The following MAGI2 variants were observed in gnomAD, a reference collection of about 807,000 sequenced individuals.
MAGI2 encodes the protein membrane-associated guanylate kinase, WW and PDZ domain-containing protein 2.
A neutral mutation model predicts 133.3 loss-of-function variants in MAGI2; 35 were observed. The observed-to-expected ratio is 0.26, with a 90% CI of 0.20 to 0.35. The LOEUF (loss-of-function observed/expected upper bound fraction) is 0.35. MAGI2 is among the 10% of genes least tolerant of loss of function. The pLI, the probability that MAGI2 is intolerant of heterozygous loss-of-function variation, is 1.00. For missense variants in MAGI2, 1,636 were observed against 1,863.4 expected (o/e 0.88, Z 2.25); for synonymous variants, 729 against 710.6 (o/e 1.03, Z -0.41).
intron 1 of MAGI2, among the ~76,000 whole-genome samples, chr7:79,011,881 C>A (rs558656081): frequency 7.5e-5 from 5 of 67,068 alleles, no homozygotes; most frequent in African/African-American, 2.1e-4. Flanking sequence ...TCCTTCCTTC[C>A]TTTCTTCCTT....
intron 10 of MAGI2, among the ~76,000 whole-genome samples, chr7:78,231,748 A>G (rs1184003325): frequency 6.6e-6 from 1 of 152,142 alleles, no homozygotes; most frequent in African/African-American, 2.4e-5. Context: ...CCTTTGTTGG[A>G]CACAAAGGGA....
intron 1 of MAGI2, among the ~76,000 whole-genome samples, chr7:79,425,560 T>C (rs1847286223): frequency 8.1e-6 from 1 of 123,244 alleles, no homozygotes; most frequent in African/African-American, 3.7e-5. Flanking sequence ...CAGAACTGTT[T>C]TGCAGAAAAT....
At chr7:78,833,350 C>A (rs1023325417) in intron 2 of MAGI2, among the ~76,000 whole-genome samples, 3 of 152,146 alleles carry the variant, frequency 2.0e-5, no homozygotes, top group Admixed American at 6.5e-5. Flanking sequence ...TCCCTGCCCT[C>A]ACTAAACTTA....
chr7:79,034,360 CT>C (rs1216270084), intron 1 of MAGI2, among the ~76,000 whole-genome samples: 3 of 152,170 alleles, frequency 2.0e-5, no homozygotes, highest in Non-Finnish European at 4.4e-5. Context: ...CAATACCCTA[CT>C]GGTATCCAGG....
intron 1 of MAGI2, among the ~76,000 whole-genome samples, chr7:79,213,728 C>G (rs1241515222): frequency 6.6e-6 from 1 of 152,070 alleles, no homozygotes; most frequent in Admixed American, 6.6e-5. Context: ...ACTACAGACA[C>G]TGCTTCTAAC....
chr7:79,152,928 G>T (rs917356328), intron 1 of MAGI2, among the ~76,000 whole-genome samples: 5 of 152,050 alleles, frequency 3.3e-5, no homozygotes, highest in Admixed American at 6.6e-5. Flanking sequence ...ACAATGATTT[G>T]TAATTTTTAA....
In MAGI2 at chr7:79,284,570, G is replaced by A. The variant is rs553616480; in HGVS notation, c.301+168450C>T. Among the ~76,000 whole-genome samples the A allele has an allele frequency of 6.6e-5, 10 of 152,134 alleles. No individual in the cohort carries two copies. In the East Asian group the frequency reaches 1.9e-3, roughly 29 times the overall value. ...TGAAAAATGGTGATAGATACAATGA[G>A]AGCATTAAATCATAATGAAAATATT... On this transcript the variant is annotated intron_variant, in intron 1 of 21. Coordinates refer to ENST00000354212, the MANE Select transcript of MAGI2 (RefSeq NM_012301.4).
chr7:78,962,509 G>GTT (rs1554313141), intron 2 of MAGI2, among the ~76,000 whole-genome samples: 5 of 137,590 alleles, frequency 3.6e-5, no homozygotes, highest in African/African-American at 2.7e-5. Flanking sequence ...CAATGCTTAT[G>GTT]TTTTTTTTTT....
intron 21 of MAGI2, among the ~76,000 whole-genome samples, chr7:78,050,568 G>A (rs1377966042): frequency 6.6e-6 from 1 of 152,200 alleles, no homozygotes; most frequent in Non-Finnish European, 1.5e-5. Context: ...CTGTTCAGCT[G>A]AGAATATTGT....
At position 78,475,129 on chromosome 7, in the gene MAGI2, C is replaced by T. The variant is rs538169702; in HGVS notation, c.1045+14632G>A. Among the ~76,000 whole-genome samples, 8 of 152,046 alleles carry T rather than the reference C, an allele frequency of 5.3e-5. No individual in the cohort carries two copies. The East Asian group carries it at 1.6e-3, about 30-fold the overall frequency. Reference sequence around the variant, plus strand: ...TTTGAATTCCAGCCCTGAGGAAGATCCATGAATGCTACTATCTGAATCTTG... The same window carrying T: ...TTTGAATTCCAGCCCTGAGGAAGATTCATGAATGCTACTATCTGAATCTTG... On this transcript the variant is annotated intron_variant, in intron 6 of 21. Transcript: ENST00000354212.
chr7:78,261,903 G>A (rs1300075148), intron 9 of MAGI2, among the ~76,000 whole-genome samples: 4 of 152,064 alleles, frequency 2.6e-5, no homozygotes, highest in Non-Finnish European at 4.4e-5. Flanking sequence ...ATTCTGACAT[G>A]TACTTTTGGG....
chr7:79,102,744 TAGAA>T (rs1300210274), intron 1 of MAGI2, among the ~76,000 whole-genome samples: 5 of 152,200 alleles, frequency 3.3e-5, no homozygotes, highest in Non-Finnish European at 5.9e-5. Context: ...TTAATTACTT[TAGAA>T]AGAAAGAGAG....
At chr7:79,385,279 C>T (rs1844096738) in intron 1 of MAGI2, among the ~76,000 whole-genome samples, 1 of 151,824 alleles carries the variant, frequency 6.6e-6, no homozygotes, top group South Asian at 2.1e-4. Flanking sequence ...TGGATGGTTT[C>T]TGAACCTGGA....
intron 2 of MAGI2, among the ~76,000 whole-genome samples, chr7:78,993,215 A>G (rs559455564): frequency 3.3e-5 from 5 of 152,208 alleles, no homozygotes; most frequent in Non-Finnish European, 7.4e-5. Flanking sequence ...CATAATATGT[A>G]TGTATAATTA....
chr7:78,813,507 C>T (rs926102488), intron 2 of MAGI2, among the ~76,000 whole-genome samples: 3 of 152,066 alleles, frequency 2.0e-5, no homozygotes, highest in Non-Finnish European at 4.4e-5. Flanking sequence ...CAGCAGGGGC[C>T]GGGCGCGATG....
intron 1 of MAGI2, among the ~76,000 whole-genome samples, chr7:79,312,781 G>A (rs13231737): frequency 0.026 from 3,976 of 152,132 alleles, 223 homozygotes; most frequent in East Asian, 0.26. Flanking sequence ...CCTAAGTATT[G>A]GGATCTCCTC....
At chr7:78,807,891 T>G (rs2151400026) in intron 2 of MAGI2, among the ~76,000 whole-genome samples, 1 of 152,264 alleles carries the variant, frequency 6.6e-6, no homozygotes, top group South Asian at 2.1e-4. Flanking sequence ...ATGAAGAAAC[T>G]TAGGCTTAGA....
chr7:79,340,991 C>T (rs1051291237), intron 1 of MAGI2, among the ~76,000 whole-genome samples: 3 of 152,082 alleles, frequency 2.0e-5, no homozygotes, highest in Non-Finnish European at 4.4e-5. Context: ...ATGAAGCAAA[C>T]ACCTATTATA....
intron 3 of MAGI2, among the ~76,000 whole-genome samples, chr7:78,573,173 C>A (rs190249397): frequency 3.5e-5 from 3 of 85,312 alleles, no homozygotes; most frequent in Admixed American, 1.7e-4. Context: ...TACACACACA[C>A]GTACCCTGGA....
Sources: allele counts gnomAD v4.1 joint callset (sites outside exome capture counted in the v4.1 genomes callset), GRCh38; gene constraint gnomAD v4.1.1; transcripts MANE v1.5; gene names NCBI Gene and HGNC (gene_info 2026-07-23, HGNC 2026-07-21).